PLPP4: variants seen among roughly 807,000 people sequenced by gnomAD.
PLPP4 encodes diacylglycerol pyrophosphate like 2.
A neutral mutation model predicts 32.2 loss-of-function variants in PLPP4; 20 were observed. The ratio of observed to expected loss-of-function variants is 0.62; its 90% CI spans 0.44 to 0.90. The LOEUF (loss-of-function observed/expected upper bound fraction) is 0.90. Among genes scored for constraint, PLPP4 ranks in the 40% least tolerant of loss-of-function variants. The probability of loss-of-function intolerance (pLI) is 0.00; values close to 1 mark genes in which losing one functional copy is unlikely to be tolerated. For synonymous variants in PLPP4, 127 were observed against 133.0 expected (o/e 0.95, Z 0.31); for missense variants, 257 against 353.1 (o/e 0.73, Z 2.18).
chr10:120,513,399 G>T (rs138496472), intron 2 of PLPP4, among the ~76,000 whole-genome samples: 2 of 152,166 alleles, frequency 1.3e-5, no homozygotes, highest in Non-Finnish European at 2.9e-5. Context: ...GGAGGAAAGG[G>T]TATAGAGGAA....
intron 5 of PLPP4, among the ~76,000 whole-genome samples, chr10:120,549,259 G>A (rs547575571): frequency 5.1e-4 from 77 of 150,776 alleles, no homozygotes; most frequent in African/African-American, 1.7e-3. Flanking sequence ...TCTTGTGAGC[G>A]GTTTCATGCC....
At chr10:120,572,820 G>A (rs1433195704) in intron 5 of PLPP4, among the ~76,000 whole-genome samples, 7 of 152,188 alleles carry the variant, frequency 4.6e-5, no homozygotes, top group Admixed American at 1.3e-4. Context: ...TTAAGAAGTC[G>A]TTGTGCTTGC....
intron 5 of PLPP4, among the ~76,000 whole-genome samples, chr10:120,528,076 T>TG (rs1554888672): frequency 2.9e-5 from 4 of 138,882 alleles, no homozygotes; most frequent in East Asian, 4.2e-4. Flanking sequence ...TCCGTTTTTT[T>TG]TTTTTTTTTT....
intron 2 of PLPP4, among the ~76,000 whole-genome samples, chr10:120,505,825 A>C (rs1845464769): frequency 1.3e-5 from 2 of 152,192 alleles, no homozygotes; most frequent in Non-Finnish European, 1.5e-5. Context: ...TAAAGGAAGC[A>C]GTGTGTGTGT....
intron 5 of PLPP4, among the ~76,000 whole-genome samples, chr10:120,537,351 A>G (rs10788101): frequency 0.93 from 141,621 of 152,236 alleles, 66,114 homozygotes; most frequent in East Asian, 1. Context: ...AATATTATTC[A>G]GCTTCAAAAA....
chr10:120,484,018 G>T (rs1167409014), intron 1 of PLPP4, among the ~76,000 whole-genome samples: 1 of 152,202 alleles, frequency 6.6e-6, no homozygotes, highest in Non-Finnish European at 1.5e-5. Flanking sequence ...ACAAATGAGG[G>T]CTCTGCAGTC....
intron 6 of PLPP4, among the ~76,000 whole-genome samples, chr10:120,588,161 A>C (rs1849846655): frequency 6.6e-6 from 1 of 152,230 alleles, no homozygotes; most frequent in African/African-American, 2.4e-5. Flanking sequence ...TTGTTAGGGG[A>C]GATTTTCCAC....
intron 1 of PLPP4, among the ~76,000 whole-genome samples, chr10:120,494,565 A>G (rs1844876047): frequency 6.6e-6 from 1 of 152,190 alleles, no homozygotes; most frequent in Non-Finnish European, 1.5e-5. Flanking sequence ...GGCTTATCAC[A>G]GAGCAAGAAG....
intron 5 of PLPP4, among the ~76,000 whole-genome samples, chr10:120,551,602 A>G (rs572783271): frequency 7.2e-5 from 11 of 152,322 alleles, no homozygotes; most frequent in Admixed American, 4.6e-4. Flanking sequence ...AGTATAAGCT[A>G]TAATATTCTG....
intron 5 of PLPP4, among the ~76,000 whole-genome samples, chr10:120,546,845 G>C (rs929077553): frequency 1.3e-5 from 2 of 152,174 alleles, no homozygotes; most frequent in Admixed American, 6.5e-5. Flanking sequence ...TGGTTGTTAG[G>C]ATAATGCTAG....
chr10:120,580,015 G>A lies in PLPP4; in HGVS notation c.616+4714G>A, dbSNP rs1564854903. Among the ~76,000 whole-genome samples the A allele has an allele frequency of 6.0e-5, 9 of 150,958 alleles. No individual in the cohort carries two copies. In the South Asian group the frequency reaches 1.9e-3, roughly 32 times the overall value. The stretch of plus-strand genomic sequence containing the variant: ...GGCACCTGTAGTCCCAGCTACTCGG[G>A]AGGCTGAGGCAGGAGAATGGCGTGA... On this transcript the variant is annotated intron_variant, in intron 6 of 6. Coordinates refer to ENST00000398250, the MANE Select transcript of PLPP4 (RefSeq NM_001030059.3).
intron 6 of PLPP4, among the ~76,000 whole-genome samples, chr10:120,576,647 A>G (rs1480155039): frequency 1.3e-5 from 2 of 152,140 alleles, no homozygotes; most frequent in African/African-American, 4.8e-5. Flanking sequence ...AGATGCTGAC[A>G]TGGTTTGGAC....
At position 120,589,465 on chromosome 10, in the gene PLPP4, G is replaced by A; in HGVS notation, c.779G>A (p.Ser260Asn). Residue 260 changes from serine to asparagine, a missense_variant, in exon 7 of 7, where the codon AGC (serine) becomes AAC (asparagine). Physicochemically the swap from Ser to Asn is conservative, Grantham distance 46. Transcript: ENST00000398250. Reference protein sequence around the residue: ...EERPTADSAPSLPLEGITEGP... With the variant: ...EERPTADSAPNLPLEGITEGP... The stretch of plus-strand genomic sequence containing the variant: ...AGGCCCACAGCTGACAGCGCACCCA[G>A]CTTGCCTCTGGAGGGGATCACCGAA... The A allele has an allele frequency of 6.2e-7, 1 of 1,614,164 alleles. No homozygotes were observed. The highest frequency in any genetic ancestry group is 1.1e-5 in the South Asian group (1 of 91,082).
intron 3 of PLPP4, among the ~76,000 whole-genome samples, chr10:120,516,707 C>T (rs1187211769): frequency 6.6e-6 from 1 of 152,100 alleles, no homozygotes; most frequent in Non-Finnish European, 1.5e-5. Context: ...AGAGAACAGC[C>T]CTTATGAATC....
At chr10:120,519,191 AC>A in intron 4 of PLPP4, among the ~76,000 whole-genome samples, 1 of 152,100 alleles carries the variant, frequency 6.6e-6, no homozygotes, top group Non-Finnish European at 1.5e-5. Context: ...CTCCCCTGAC[AC>A]CCACTCACTT....
At chr10:120,467,039 A>T (rs1353803985) in intron 1 of PLPP4, among the ~76,000 whole-genome samples, 1 of 152,220 alleles carries the variant, frequency 6.6e-6, no homozygotes, top group African/African-American at 2.4e-5. Flanking sequence ...CATCTGAATC[A>T]TAATCCAAGA....
At position 120,534,765 on chromosome 10, in the gene PLPP4, T is replaced by C. The variant is rs150391474; in HGVS notation, c.445+13670T>C. Among the ~76,000 whole-genome samples the C allele has an allele frequency of 1.2e-4, 18 of 152,302 alleles. No homozygotes were observed. The East Asian group carries it at 2.5e-3, about 21-fold the overall frequency. ...AATTTTTCCCTTCAGTTAATGTACT[T>C]TTCAATTCCAGACTTTCTATTTGGT... is the stretch of plus-strand genomic sequence containing the variant. On this transcript the variant is annotated intron_variant, in intron 5 of 6. Transcript: ENST00000398250.
At chr10:120,562,565 T>C (rs1203381345) in intron 5 of PLPP4, among the ~76,000 whole-genome samples, 3 of 152,228 alleles carry the variant, frequency 2.0e-5, no homozygotes, top group African/African-American at 4.8e-5. Context: ...TTTTGCTAGA[T>C]ATTCTTTATC....
intron 1 of PLPP4, among the ~76,000 whole-genome samples, chr10:120,503,234 A>G (rs761916179): frequency 6.6e-6 from 1 of 152,248 alleles, no homozygotes; most frequent in Non-Finnish European, 1.5e-5. Context: ...GCCCTCTCCA[A>G]CTGCATCTGA....
Sources: allele counts gnomAD v4.1 joint callset (sites outside exome capture counted in the v4.1 genomes callset), GRCh38; gene constraint gnomAD v4.1.1; transcripts MANE v1.5; gene names NCBI Gene and HGNC (gene_info 2026-07-23, HGNC 2026-07-21).